AGBL4: variants seen among roughly 807,000 people sequenced by gnomAD.
The protein encoded by AGBL4 is cytosolic carboxypeptidase 6.
In AGBL4, 58 loss-of-function variants were observed where a neutral mutation model predicts 66.4. The ratio of observed to expected loss-of-function variants is 0.87; its 90% CI spans 0.71 to 1.09. AGBL4 has a LOEUF of 1.09. Among genes scored for constraint, AGBL4 ranks in the 50% least tolerant of loss-of-function variants. The probability of loss-of-function intolerance (pLI) is 0.00; values close to 1 mark genes in which losing one functional copy is unlikely to be tolerated. For missense variants in AGBL4, 579 were observed against 631.0 expected, an observed-to-expected ratio of 0.92 and a Z score of 0.88; for synonymous variants, 234 against 222.9, an observed-to-expected ratio of 1.05 and a Z score of -0.44.
At chr1:49,564,030 A>G (rs1161201168) in intron 3 of AGBL4, among the ~76,000 whole-genome samples, 2 of 152,170 alleles carry the variant, frequency 1.3e-5, no homozygotes, top group East Asian at 3.9e-4. Flanking sequence ...TTCCTGGTTT[A>G]GTCTTGGGAG....
At chr1:48,899,504 CA>C (rs1436348880) in intron 5 of AGBL4, among the ~76,000 whole-genome samples, 8 of 150,990 alleles carry the variant, frequency 5.3e-5, no homozygotes, top group African/African-American at 2.0e-4. Context: ...TAAATTGTTG[CA>C]AACAAATGTC....
At chr1:49,894,600 G>A (rs1648981941) in intron 1 of AGBL4, among the ~76,000 whole-genome samples, 1 of 152,058 alleles carries the variant, frequency 6.6e-6, no homozygotes, top group African/African-American at 2.4e-5. Context: ...AAATTCTGGA[G>A]TTGAAAAATG....
At chr1:49,703,223 A>C (rs894325565) in intron 2 of AGBL4, among the ~76,000 whole-genome samples, 1 of 152,052 alleles carries the variant, frequency 6.6e-6, no homozygotes, top group African/African-American at 2.4e-5. Flanking sequence ...TATTTGAGCT[A>C]AAAAACAATT....
At chr1:48,685,853 A>T (rs758583817) in intron 6 of AGBL4, among the ~76,000 whole-genome samples, 34 of 152,316 alleles carry the variant, frequency 2.2e-4, no homozygotes, top group Non-Finnish European at 3.8e-4. Flanking sequence ...CACCAGCCTT[A>T]AGCTCTGGAT....
intron 2 of AGBL4, among the ~76,000 whole-genome samples, chr1:49,716,214 T>TTC (rs1461694622): frequency 6.6e-6 from 1 of 152,150 alleles, no homozygotes; most frequent in Non-Finnish European, 1.5e-5. Flanking sequence ...AGGGAATCCT[T>TTC]TCCCCATTGC....
intron 2 of AGBL4, among the ~76,000 whole-genome samples, chr1:49,838,094 A>G (rs1645898465): frequency 6.6e-6 from 1 of 152,218 alleles, no homozygotes; most frequent in African/African-American, 2.4e-5. Context: ...TAGTTGCTCA[A>G]CTATTGGGAA....
At chr1:48,664,644 A>G (rs1646157927) in intron 6 of AGBL4, among the ~76,000 whole-genome samples, 1 of 152,240 alleles carries the variant, frequency 6.6e-6, no homozygotes, top group South Asian at 2.1e-4. Flanking sequence ...ATGATTAGAC[A>G]TGCAGAAAAG....
chr1:48,699,980 T>C (rs1454622995), intron 6 of AGBL4, among the ~76,000 whole-genome samples: 1 of 151,966 alleles, frequency 6.6e-6, no homozygotes, highest in African/African-American at 2.4e-5. Context: ...ACTACGTTGC[T>C]CAGGCTGGTC....
chr1:49,939,081 A>C (rs61785498), intron 1 of AGBL4, among the ~76,000 whole-genome samples: 1 of 152,252 alleles, frequency 6.6e-6, no homozygotes, highest in East Asian at 1.9e-4. Context: ...GAGCCAAATC[A>C]TGAGTGAACT....
chr1:48,815,994 T>G (rs1482317127), intron 6 of AGBL4, among the ~76,000 whole-genome samples: 1 of 151,964 alleles, frequency 6.6e-6, no homozygotes, highest in Non-Finnish European at 1.5e-5. Flanking sequence ...CATTAGCTGC[T>G]CAAACTAAAC....
intron 3 of AGBL4, among the ~76,000 whole-genome samples, chr1:49,283,448 A>G (rs879503431): frequency 5.9e-5 from 9 of 152,252 alleles, no homozygotes; most frequent in African/African-American, 1.9e-4. Flanking sequence ...ACGAAACTCT[A>G]AAACGCAGAG....
intron 1 of AGBL4, among the ~76,000 whole-genome samples, chr1:49,856,045 TA>T (rs35163268): frequency 0.91 from 137,877 of 151,782 alleles, 62,835 homozygotes; most frequent in African/African-American, 0.97. Flanking sequence ...AAATCAGAAA[TA>T]AAAAAAAGAC....
intron 3 of AGBL4, among the ~76,000 whole-genome samples, chr1:49,627,423 C>T (rs546084643): frequency 1.1e-4 from 17 of 152,178 alleles, no homozygotes; most frequent in Non-Finnish European, 1.5e-5. Flanking sequence ...AGTGTGCCTA[C>T]TCCCATTTAT....
At chr1:49,970,957 G>A (rs894224088) in intron 1 of AGBL4, among the ~76,000 whole-genome samples, 1 of 152,170 alleles carries the variant, frequency 6.6e-6, no homozygotes, top group African/African-American at 2.4e-5. Context: ...GGGAATGAGT[G>A]TTATTTGCCT....
chr1:49,058,392 C>A lies in AGBL4; in HGVS notation c.378-12592G>T, dbSNP rs370860197. On this transcript the variant is annotated intron_variant, in intron 4 of 13. Transcript: ENST00000371839. ...TGATGGTTTTATAAGGGGCTTTTCC[C>A]TCTTTGCTCAGCAATCCTCCTTCTT... Among the ~76,000 whole-genome samples, 277 of 152,282 alleles carry A rather than the reference C, an allele frequency of 1.8e-3. 2 individuals are homozygous for A. The highest frequency in any genetic ancestry group is 6.3e-3 in the African/African-American group (263 of 41,556).
intron 6 of AGBL4, among the ~76,000 whole-genome samples, chr1:48,790,821 A>G (rs1055287057): frequency 1.5e-4 from 23 of 152,220 alleles, no homozygotes; most frequent in Non-Finnish European, 3.4e-4. Context: ...GCGCAGTGGC[A>G]CAAGCCTGTA....
At chr1:48,846,084 T>C (rs751229048) in intron 6 of AGBL4, among the ~76,000 whole-genome samples, 9 of 152,098 alleles carry the variant, frequency 5.9e-5, no homozygotes, top group Non-Finnish European at 8.8e-5. Flanking sequence ...TATAAACTCT[T>C]CTGGTTATCA....
chr1:49,680,898 C>A (rs1351815374), intron 3 of AGBL4, among the ~76,000 whole-genome samples: 1 of 143,474 alleles, frequency 7.0e-6, no homozygotes, highest in Non-Finnish European at 1.5e-5. Context: ...GTTGTTTTTC[C>A]TTTTTTTTTT....
intron 3 of AGBL4, among the ~76,000 whole-genome samples, chr1:49,393,052 G>A (rs778695372): frequency 2.4e-4 from 37 of 152,050 alleles, no homozygotes; most frequent in Non-Finnish European, 4.7e-4. Context: ...CTCACCTCTG[G>A]GAAACAAAGA....
Sources: gnomAD v4.1 joint callset for allele counts (sites outside exome capture counted in the v4.1 genomes callset) on GRCh38, gnomAD v4.1.1 for gene constraint, MANE v1.5 for transcripts, NCBI Gene and HGNC (gene_info 2026-07-23, HGNC 2026-07-21) for gene names.